The following CLSTN2 variants were observed in gnomAD, a reference collection of about 807,000 sequenced individuals.
CLSTN2 encodes the protein calsyntenin-2.
Under a neutral mutation model 101.2 loss-of-function variants are expected in CLSTN2, and 48 were observed. That is an observed-to-expected ratio of 0.47 (90% CI 0.38 to 0.60). CLSTN2 has a LOEUF of 0.60. CLSTN2 is among the 20% of genes least tolerant of loss of function. The pLI is 0.00. For synonymous variants in CLSTN2, 481 were observed against 463.6 expected (o/e 1.04, Z -0.48); for missense variants, 1,160 against 1,238.2 (o/e 0.94, Z 0.95).
intron 2 of CLSTN2, among the ~76,000 whole-genome samples, chr3:140,321,469 G>T (rs560659239): frequency 6.6e-6 from 1 of 152,158 alleles, no homozygotes; most frequent in South Asian, 2.1e-4. Flanking sequence ...TTCTCCCCTT[G>T]CTCCCTACAC....
intron 1 of CLSTN2, among the ~76,000 whole-genome samples, chr3:140,111,800 C>T (rs370619355): frequency 7.9e-5 from 12 of 152,146 alleles, no homozygotes; most frequent in African/African-American, 2.7e-4. Context: ...TAGACTGCCC[C>T]CTCTGCACCA....
chr3:140,290,510 C>T (rs886069370), intron 2 of CLSTN2, among the ~76,000 whole-genome samples: 5 of 152,040 alleles, frequency 3.3e-5, no homozygotes, highest in African/African-American at 1.2e-4. Flanking sequence ...GAGACCTCTA[C>T]AAATGAGGAA....
chr3:140,563,899 C>A, intron 15 of CLSTN2, 62 bp from the exon 16 acceptor site: 1 of 1,517,300 alleles, frequency 6.6e-7, no homozygotes, highest in Non-Finnish European at 9.1e-7. Flanking sequence ...CATTCATGCT[C>A]CCTCACAAGA....
intron 1 of CLSTN2, among the ~76,000 whole-genome samples, chr3:139,955,834 C>T (rs375721771): frequency 1.3e-4 from 20 of 152,268 alleles, no homozygotes; most frequent in African/African-American, 4.3e-4. Context: ...ATCACAGCCC[C>T]GGAGGTGGGC....
chr3:140,508,858 G>A (rs1309829692), intron 8 of CLSTN2: 1 of 152,202 alleles, frequency 6.6e-6, no homozygotes, highest in East Asian at 1.9e-4. Flanking sequence ...CAAAAACCTG[G>A]GAGGAGGAAG....
Position 140,403,815 on chromosome 3 carries a change from A to G in CLSTN2, c.419A>G (p.Lys140Arg), listed in dbSNP as rs1254750983. ...GAGPHETAWK[K>R]SHKAVVHIQV... ...GGGCCCCACGAGACAGCCTGGAAAA[A>G]GTCACACAAGTGAGTGGCCTGACAG... The change falls in exon 3 of 17, where the codon AAG becomes AGG. Residue 140 changes from lysine (K) to arginine (R), a missense_variant. Physicochemically the swap from Lys to Arg is conservative, Grantham distance 26. Transcript: ENST00000458420. 1.2e-6 allele frequency: 2 copies of G among 1,609,554 alleles called. No individual in the cohort carries two copies. The highest frequency in any genetic ancestry group is 1.7e-6 in the Non-Finnish European group (2 of 1,177,170).
At chr3:140,019,956 C>G (rs1009411663) in intron 1 of CLSTN2, among the ~76,000 whole-genome samples, 1 of 152,010 alleles carries the variant, frequency 6.6e-6, no homozygotes, top group Admixed American at 6.6e-5. Context: ...TTCTGTGGGG[C>G]ATGTCAAATT....
At chr3:140,504,856 T>C (rs1433353180) in intron 8 of CLSTN2, among the ~76,000 whole-genome samples, 1 of 152,160 alleles carries the variant, frequency 6.6e-6, no homozygotes, top group Admixed American at 6.5e-5. Context: ...TTTTGATTTT[T>C]TGGGGGAGGG....
intron 5 of CLSTN2, among the ~76,000 whole-genome samples, chr3:140,445,384 A>T (rs1028949043): frequency 1.3e-5 from 2 of 152,200 alleles, no homozygotes; most frequent in African/African-American, 4.8e-5. Flanking sequence ...AAGGGAATCA[A>T]TGAGGAGGGT....
intron 4 of CLSTN2, among the ~76,000 whole-genome samples, chr3:140,411,545 A>G (rs1452231456): frequency 6.6e-6 from 1 of 152,274 alleles, no homozygotes; most frequent in East Asian, 1.9e-4. Flanking sequence ...ACTGGATTTG[A>G]ACTGTTATAC....
chr3:140,497,503 C>T (rs1258138855), intron 8 of CLSTN2, among the ~76,000 whole-genome samples: 4 of 152,148 alleles, frequency 2.6e-5, no homozygotes, highest in Admixed American at 6.5e-5. Context: ...TCAACCTCAC[C>T]GCAGAAATGG....
chr3:140,135,107 CACACACACACATATAT>C lies in CLSTN2; in HGVS notation c.110-40842_110-40827del, dbSNP rs1189540240. Among the ~76,000 whole-genome samples, 246 of 52,412 alleles carry C rather than the reference CACACACACACATATAT, an allele frequency of 4.7e-3. 1 individual carries two copies. Among genetic ancestry groups the C allele is most frequent in the African/African-American group, 0.025 (239 of 9,474 alleles). The allele number at this position is 52,412 out of a possible 152,430, so 34.4% of individuals were successfully genotyped here. ...AAAAAAACACACACACACACACACA[CACACACACACATATAT>C]ATATATATATATATATATATATATA... On this transcript the variant is annotated intron_variant, in intron 1 of 16. Coordinates refer to ENST00000458420, the MANE Select transcript of CLSTN2 (RefSeq NM_022131.3).
intron 1 of CLSTN2, among the ~76,000 whole-genome samples, chr3:139,946,096 G>T (rs73867228): frequency 0.025 from 3,851 of 152,272 alleles, 149 homozygotes; most frequent in African/African-American, 0.085. Context: ...ATATATCAAA[G>T]TTGGAAGGGA....
chr3:140,420,540 C>G (rs1446786391), intron 4 of CLSTN2, among the ~76,000 whole-genome samples: 1 of 152,144 alleles, frequency 6.6e-6, no homozygotes, highest in African/African-American at 2.4e-5. Flanking sequence ...TACTTGGTCT[C>G]TCTTAGAGAA....
At chr3:140,086,671 T>C (rs570579394) in intron 1 of CLSTN2, among the ~76,000 whole-genome samples, 3 of 152,250 alleles carry the variant, frequency 2.0e-5, no homozygotes, top group Non-Finnish European at 4.4e-5. Context: ...TAAGTGCTCA[T>C]AAACCGTCTC....
chr3:140,307,817 C>T (rs1362577334), intron 2 of CLSTN2, among the ~76,000 whole-genome samples: 1 of 152,206 alleles, frequency 6.6e-6, no homozygotes, highest in Non-Finnish European at 1.5e-5. Context: ...CATTTCTGCT[C>T]TTTAAGGCTT....
intron 1 of CLSTN2, among the ~76,000 whole-genome samples, chr3:140,102,546 T>A (rs1306889097): frequency 1.3e-5 from 2 of 152,234 alleles, no homozygotes; most frequent in Non-Finnish European, 2.9e-5. Flanking sequence ...TACTGTGGGT[T>A]GCCTGGCAAG....
chr3:140,235,997 G>T (rs756642350), intron 2 of CLSTN2, among the ~76,000 whole-genome samples: 2 of 152,136 alleles, frequency 1.3e-5, no homozygotes, highest in Non-Finnish European at 2.9e-5. Flanking sequence ...GGACCCATGA[G>T]TTCCTGCCTG....
intron 1 of CLSTN2, among the ~76,000 whole-genome samples, chr3:140,139,059 A>C (rs189322151): frequency 2.5e-4 from 38 of 152,308 alleles, no homozygotes; most frequent in African/African-American, 8.9e-4. Context: ...GAGCAATTGC[A>C]CCTCTCTGGC....
Sources: gnomAD v4.1 joint callset for allele counts (sites outside exome capture counted in the v4.1 genomes callset) on GRCh38, gnomAD v4.1.1 for gene constraint, MANE v1.5 for transcripts, NCBI Gene and HGNC (gene_info 2026-07-23, HGNC 2026-07-21) for gene names.